Variants in ZNF592 observed in about 807,000 individuals in gnomAD.
ZNF592 encodes the protein spinocerebellar ataxia, autosomal recessive 5.
Under a neutral mutation model 80.3 loss-of-function variants are expected in ZNF592, and 11 were observed. The observed-to-expected ratio is 0.14, with a 90% CI of 0.09 to 0.23. ZNF592 has a LOEUF of 0.23. ZNF592 is among the 10% of genes least tolerant of loss of function. The pLI is 1.00. For missense variants in ZNF592, 1,420 were observed against 1,633.9 expected (o/e 0.87, Z 2.26); for synonymous variants, 646 against 640.3 (o/e 1.01, Z -0.13).
intron 1 of ZNF592, among the ~76,000 whole-genome samples, chr15:84,751,109 G>A (rs1056407441): frequency 2.6e-5 from 4 of 152,182 alleles, no homozygotes; most frequent in African/African-American, 9.7e-5. Context: ...GAGATCCTTT[G>A]CCTCTGTGAG....
chr15:84,754,963 G>GTTTTTTT (rs36104262), intron 1 of ZNF592, among the ~76,000 whole-genome samples: 1 of 110,674 alleles, frequency 9.0e-6, no homozygotes, highest in African/African-American at 3.3e-5. Context: ...CCCCTGAGTT[G>GTTTTTTT]TTTTTTTTTT....
chr15:84,775,349 A>G (rs978659632), intron 2 of ZNF592, among the ~76,000 whole-genome samples: 2 of 151,338 alleles, frequency 1.3e-5, no homozygotes, highest in African/African-American at 2.4e-5. Flanking sequence ...GCCCACCTCA[A>G]CCTCCCAAAG....
chr15:84,785,042 T>G (rs1321151368), intron 4 of ZNF592, 147 bp downstream of exon 4: 7 of 1,045,540 alleles, frequency 6.7e-6, no homozygotes, highest in Non-Finnish European at 1.0e-5. Context: ...ATATTTAGTG[T>G]TTGGTGTTTG....
rs750010009 is a variant in ZNF592, at chr15:84,783,542, G to C, written c.867G>C (p.Val289=). 17 of 1,614,214 alleles carry C rather than the reference G, an allele frequency of 1.1e-5. No individual in the cohort carries two copies. In the South Asian group the frequency reaches 1.9e-4, roughly 18 times the overall value. ...TGTCCTCTTGTGTGGCAGCCTTGGT[G>C]GCCTTGCAGGCCAAAAGAGTGGCTA... ...SKLSSCVAAL[V]ALQAKRVASV... The change falls in exon 4 of 11, where the codon GTG becomes GTC. Residue 289 remains valine, a synonymous_variant. Coordinates refer to ENST00000560079, the MANE Select transcript of ZNF592 (RefSeq NM_014630.3). The surrounding 1 kb of genome is among the most constrained non-coding windows in gnomAD (Gnocchi z 5.0).
chr15:84,779,266 T>C (rs1263848727), intron 3 of ZNF592, among the ~76,000 whole-genome samples: 2 of 152,236 alleles, frequency 1.3e-5, no homozygotes, highest in Admixed American at 1.3e-4. Flanking sequence ...TCTTTTTCTT[T>C]ACAGTTTCTT....
intron 4 of ZNF592, among the ~76,000 whole-genome samples, chr15:84,785,865 TAAAA>T (rs35020131): frequency 1.4e-5 from 2 of 140,296 alleles, no homozygotes; most frequent in Admixed American, 7.2e-5. Flanking sequence ...GAGATTCATT[TAAAA>T]AAAAAAAAAA....
chr15:84,777,944 C>T (rs979702309), intron 2 of ZNF592, among the ~76,000 whole-genome samples: 4 of 151,972 alleles, frequency 2.6e-5, no homozygotes, highest in East Asian at 1.9e-4. Context: ...GTGATCCGCC[C>T]GCCTCGGCCT....
In ZNF592 at chr15:84,804,003, G is replaced by A. The variant is rs911280926; in HGVS notation, c.*1610G>A. The A allele has an allele frequency of 5.3e-5, 8 of 152,232 alleles. No individual in the cohort carries two copies. The highest frequency in any genetic ancestry group is 1.0e-4 in the Non-Finnish European group (7 of 68,040). 9.4% of individuals were successfully genotyped at this position (152,232 alleles called of 1,614,324 possible). A position where few individuals can be genotyped will look rare whatever the true frequency, so the allele number is the denominator to read the frequency against. On this transcript the variant is annotated 3_prime_UTR_variant, in exon 11 of 11. Coordinates refer to ENST00000560079, the MANE Select transcript of ZNF592 (RefSeq NM_014630.3). ...ATTATTAAGTCAGATAAATATGCCT[G>A]ACCTTTTCACAGTTGAAAAAATACA...
At chr15:84,782,554 A>G (rs1962448135) in intron 3 of ZNF592, 103 bp from the exon 4 acceptor site, 5 of 1,082,194 alleles carry the variant, frequency 4.6e-6, no homozygotes, top group South Asian at 2.5e-5. Flanking sequence ...GGGGTTCTGC[A>G]TGGGTGTGCT....
intron 4 of ZNF592, among the ~76,000 whole-genome samples, chr15:84,786,059 T>A (rs1962578562): frequency 6.6e-6 from 1 of 152,038 alleles, no homozygotes; most frequent in African/African-American, 2.4e-5. Context: ...AAACAGCTCT[T>A]TTTGCTTCAG....
At chr15:84,789,850 A>G (rs1294135578) in intron 4 of ZNF592, among the ~76,000 whole-genome samples, 10 of 152,094 alleles carry the variant, frequency 6.6e-5, no homozygotes, top group Admixed American at 6.6e-4. Context: ...TGTCCCCTTT[A>G]CTAAGAAGTT....
rs1191924448 is a variant in ZNF592, at chr15:84,783,299, A to G, written c.624A>G (p.Glu208=). The part of the protein sequence containing the change: ...DHFCKKEPKP[E]PLPLGSQQEH... ...TTTGTAAGAAAGAACCCAAGCCAGA[A>G]CCCCTGCCCTTGGGGAGCCAGCAGG... The change falls in exon 4 of 11, where the codon GAA becomes GAG. Residue 208 remains glutamate, a synonymous_variant. Transcript: ENST00000560079. The surrounding 1 kb of genome is among the most constrained non-coding windows in gnomAD (Gnocchi z 5.0). 3 of 1,614,220 alleles carry G rather than the reference A, an allele frequency of 1.9e-6. No individual in the cohort carries two copies. In the Admixed American group the frequency reaches 5.0e-5, roughly 27 times the overall value.
chr15:84,756,923 T>A lies in ZNF592; in HGVS notation c.-258-7784T>A, dbSNP rs377408449. 5.5e-4 allele frequency among the ~76,000 whole-genome samples: 84 copies of A among 151,960 alleles called. No individual in the cohort carries two copies. The South Asian group carries it at 0.014, about 25-fold the overall frequency. On this transcript the variant is annotated intron_variant, in intron 1 of 10. Coordinates refer to ENST00000560079, the MANE Select transcript of ZNF592 (RefSeq NM_014630.3). ...GGTCAGGAGTTCGAGACCAGCCTGGTCAACATGGTGAAACCCCGTCTCTAC... is the reference window on the plus strand; with the variant it reads ...GGTCAGGAGTTCGAGACCAGCCTGGACAACATGGTGAAACCCCGTCTCTAC...
At chr15:84,773,510 C>T (rs917273805) in intron 2 of ZNF592, among the ~76,000 whole-genome samples, 1 of 151,992 alleles carries the variant, frequency 6.6e-6, no homozygotes, top group Admixed American at 6.6e-5. Flanking sequence ...CGCGCCCGGC[C>T]CCCACCAGGG....
At chr15:84,787,724 C>T (rs1962631636) in intron 4 of ZNF592, among the ~76,000 whole-genome samples, 1 of 152,200 alleles carries the variant, frequency 6.6e-6, no homozygotes, top group African/African-American at 2.4e-5. Context: ...ATAACAGTCC[C>T]TTAGTATTAC....
intron 2 of ZNF592, among the ~76,000 whole-genome samples, chr15:84,769,447 G>A (rs1899634484): frequency 6.6e-6 from 1 of 151,826 alleles, no homozygotes; most frequent in Admixed American, 6.6e-5. Flanking sequence ...TCCTGACAAA[G>A]TGACATTGGA....
intron 2 of ZNF592, among the ~76,000 whole-genome samples, chr15:84,773,988 C>A (rs1962167767): frequency 2.6e-5 from 4 of 152,154 alleles, no homozygotes; most frequent in Non-Finnish European, 5.9e-5. Context: ...ATTTTCTGGG[C>A]CTTTTGTGAT....
chr15:84,801,562 T>G (rs1437353368), intron 10 of ZNF592, among the ~76,000 whole-genome samples: 1 of 152,216 alleles, frequency 6.6e-6, no homozygotes, highest in Non-Finnish European at 1.5e-5. Context: ...GTTTTGTTTT[T>G]GTATAGGCAT....
At chr15:84,765,740 T>C (rs1369637073) in intron 2 of ZNF592, among the ~76,000 whole-genome samples, 1 of 151,952 alleles carries the variant, frequency 6.6e-6, no homozygotes, top group African/African-American at 2.4e-5. Context: ...GGTTTCACCA[T>C]GTTGGCCAGG....
Sources: gnomAD v4.1 joint callset for allele counts (sites outside exome capture counted in the v4.1 genomes callset) on GRCh38, gnomAD v4.1.1 for gene constraint, Gnocchi (gnomAD v3.1) non-coding constraint, MANE v1.5 for transcripts, NCBI Gene and HGNC (gene_info 2026-07-23, HGNC 2026-07-21) for gene names.